Variants in COP1 observed in about 807,000 individuals in gnomAD.
COP1 encodes COP1 E3 ubiquitin ligase, also known as E3 ubiquitin-protein ligase COP1.
In COP1, 24 loss-of-function variants were observed where a neutral mutation model predicts 101.3. That is an observed-to-expected ratio of 0.24 (90% confidence interval 0.17 to 0.33). The LOEUF (loss-of-function observed/expected upper bound fraction) is 0.33. COP1 is among the 10% of genes least tolerant of loss of function. The pLI, the probability that COP1 is intolerant of heterozygous loss-of-function variation, is 1.00. For synonymous variants in COP1, 347 were observed against 341.9 expected, an observed-to-expected ratio of 1.01 and a Z score of -0.17; for missense variants, 663 against 906.2, an observed-to-expected ratio of 0.73 and a Z score of 3.45.
At chr1:175,959,401 T>C (rs1487593170) in intron 18 of COP1, among the ~76,000 whole-genome samples, 1 of 152,068 alleles carries the variant, frequency 6.6e-6, no homozygotes, top group African/African-American at 2.4e-5. Flanking sequence ...AAGTCAACGA[T>C]GCCAGATACC....
chr1:175,956,350 A>T (rs1172054637), intron 18 of COP1, among the ~76,000 whole-genome samples: 2 of 152,184 alleles, frequency 1.3e-5, no homozygotes, highest in Non-Finnish European at 1.5e-5. Context: ...CAATCCTTCT[A>T]TCATACCATT....
At chr1:176,176,075 T>C (rs551974868) in intron 2 of COP1, 68 bp from the exon 3 acceptor site, 5 of 758,308 alleles carry the variant, frequency 6.6e-6, no homozygotes, top group South Asian at 6.2e-5. Context: ...GGTCACAAAA[T>C]AATGACTATT....
intron 10 of COP1, among the ~76,000 whole-genome samples, chr1:176,084,207 T>G (rs181315803): frequency 2.0e-5 from 3 of 152,302 alleles, no homozygotes; most frequent in African/African-American, 7.2e-5. Flanking sequence ...GGTATTGGGC[T>G]ACTTTCAACT....
intron 3 of COP1, 102 bp downstream of exon 3, chr1:176,175,808 G>C: frequency 1.6e-6 from 1 of 623,102 alleles, no homozygotes. Flanking sequence ...AGTAGAGAGA[G>C]ACTTGCTTAC....
chr1:176,188,935 A>C (rs971372690), intron 1 of COP1, among the ~76,000 whole-genome samples: 1 of 152,152 alleles, frequency 6.6e-6, no homozygotes, highest in Admixed American at 6.5e-5. Flanking sequence ...GTCACAGATG[A>C]CAGAGAAAGA....
intron 3 of COP1, among the ~76,000 whole-genome samples, chr1:176,165,686 AAAAT>A (rs146266303): frequency 0.053 from 8,011 of 152,062 alleles, 454 homozygotes; most frequent in Middle Eastern, 0.14. Context: ...ACTCCATCTC[AAAAT>A]AAATAAATAA....
chr1:176,049,178 C>CAAAAAAAAAAAAAAAAAA (rs61267982), intron 11 of COP1, among the ~76,000 whole-genome samples: 6 of 118,356 alleles, frequency 5.1e-5, no homozygotes, highest in African/African-American at 1.4e-4. Flanking sequence ...GACTCCGTCT[C>CAAAAAAAAAAAAAAAAAA]AAAAAAAAAA....
intron 5 of COP1, among the ~76,000 whole-genome samples, chr1:176,153,173 C>T (rs926898285): frequency 6.6e-6 from 1 of 152,068 alleles, no homozygotes; most frequent in African/African-American, 2.4e-5. Context: ...TTTCTATTCT[C>T]ACTTTGTACA....
chr1:176,197,150 C>T (rs1364945091), intron 1 of COP1, among the ~76,000 whole-genome samples: 2 of 152,164 alleles, frequency 1.3e-5, no homozygotes, highest in East Asian at 1.9e-4. Flanking sequence ...AACCAGTATT[C>T]TTCTAAGATA....
intron 6 of COP1, among the ~76,000 whole-genome samples, chr1:176,148,525 T>C (rs1436771973): frequency 3.3e-5 from 5 of 152,144 alleles, no homozygotes; most frequent in Admixed American, 6.5e-5. Context: ...AATTAGAACA[T>C]GCTCGCTATA....
At chr1:176,203,586 A>T (rs1700515455) in intron 1 of COP1, among the ~76,000 whole-genome samples, 1 of 152,188 alleles carries the variant, frequency 6.6e-6, no homozygotes, top group Admixed American at 6.5e-5. Flanking sequence ...AAAATTTTGC[A>T]AAAAACAAAA....
Position 176,051,426 on chromosome 1 carries a change from T to A in COP1, c.1278-5102A>T, listed in dbSNP as rs150314271. ...ATTCTCAGGTTTGTGGAGAAGATGGTGTGAACAAACCTACCATGCTGCCAG... is the reference window on the plus strand; with the variant it reads ...ATTCTCAGGTTTGTGGAGAAGATGGAGTGAACAAACCTACCATGCTGCCAG... On this transcript the variant is annotated intron_variant, in intron 11 of 19. Coordinates refer to ENST00000367669, the MANE Select transcript of COP1 (RefSeq NM_022457.7). Among the ~76,000 whole-genome samples, 54 of 152,334 alleles carry A rather than the reference T, an allele frequency of 3.5e-4. No homozygotes were observed. In the East Asian group the frequency reaches 0.01, roughly 29 times the overall value.
In COP1 at chr1:176,206,542, G is replaced by C. The variant is rs1316000913; in HGVS notation, c.407+30C>G. ...TAAGCGGCAGAAACTCATAATTTAG[G>C]GACAAGGAGGGAGTGCTCTTCAAAC... On this transcript the variant is annotated intron_variant, in intron 1 of 19. Coordinates refer to ENST00000367669, the MANE Select transcript of COP1 (RefSeq NM_022457.7). The C allele has an allele frequency of 3.8e-6, 6 of 1,593,904 alleles. No homozygotes were observed. The Admixed American group carries it at 8.5e-5, about 23-fold the overall frequency.
At chr1:176,173,373 C>T (rs557496744) in intron 3 of COP1, among the ~76,000 whole-genome samples, 2 of 143,448 alleles carry the variant, frequency 1.4e-5, no homozygotes, top group East Asian at 4.1e-4. Flanking sequence ...CAATGGCTCA[C>T]ATCTGTAATC....
intron 11 of COP1, among the ~76,000 whole-genome samples, chr1:176,075,922 G>C (rs1677897368): frequency 6.9e-6 from 1 of 145,556 alleles, no homozygotes; most frequent in Non-Finnish European, 1.5e-5. Flanking sequence ...AAAATCGCTT[G>C]AACCTGGGAG....
At chr1:175,973,250 A>G (rs1250141745) in intron 18 of COP1, among the ~76,000 whole-genome samples, 1 of 152,224 alleles carries the variant, frequency 6.6e-6, no homozygotes, top group East Asian at 1.9e-4. Flanking sequence ...CAGTTTAGTA[A>G]AAGAGTTAAC....
intron 14 of COP1, among the ~76,000 whole-genome samples, chr1:176,033,277 C>T (rs1571816877): frequency 6.6e-6 from 1 of 151,882 alleles, no homozygotes; most frequent in African/African-American, 2.4e-5. Context: ...AGCCAGCTGT[C>T]GGGGCGAGGG....
chr1:176,010,787 G>A (rs1009020288), intron 15 of COP1, among the ~76,000 whole-genome samples: 2 of 152,278 alleles, frequency 1.3e-5, no homozygotes, highest in East Asian at 3.9e-4. Flanking sequence ...GCAGCTAAAT[G>A]TCAAATGTCG....
At chr1:176,051,814 A>G (rs1571933553) in intron 11 of COP1, among the ~76,000 whole-genome samples, 1 of 152,282 alleles carries the variant, frequency 6.6e-6, no homozygotes, top group East Asian at 1.9e-4. Flanking sequence ...AAAAAAATTA[A>G]AATTAAATTT....
Sources: allele counts gnomAD v4.1 joint callset (sites outside exome capture counted in the v4.1 genomes callset), GRCh38; gene constraint gnomAD v4.1.1; transcripts MANE v1.5; gene names NCBI Gene and HGNC (gene_info 2026-07-23, HGNC 2026-07-21).